Variants in NLGN4X observed in about 807,000 individuals in gnomAD.
The protein encoded by NLGN4X is neuroligin-4, X-linked.
Under a neutral mutation model 40.3 loss-of-function variants are expected in NLGN4X, and 3 were observed. That is an observed-to-expected ratio of 0.07 (90% CI 0.03 to 0.19). The LOEUF (loss-of-function observed/expected upper bound fraction) is 0.19, where lower values mean the gene tolerates loss of function less well. NLGN4X is among the 10% of genes least tolerant of loss of function. The pLI is 1.00. For missense variants in NLGN4X, 382 were observed against 708.3 expected, an observed-to-expected ratio of 0.54 and a Z score of 5.23; for synonymous variants, 270 against 306.8, an observed-to-expected ratio of 0.88 and a Z score of 1.25.
At chrX:6,225,025 CATAT>C (rs1205471689) in intron 1 of NLGN4X, among the ~76,000 whole-genome samples, 2 of 46,625 alleles carry the variant, frequency 4.3e-5, no homozygotes, top group South Asian at 1.1e-3. Context: ...CACACACACA[CATAT>C]ATGTAGAAAT....
chrX:6,184,542 G>C lies in NLGN4X; in HGVS notation c.-305-32771C>G, dbSNP rs184353675. On this transcript the variant is annotated intron_variant, in intron 1 of 5. Coordinates refer to ENST00000381095, the MANE Select transcript of NLGN4X (RefSeq NM_181332.3). ...ATATATGAGATCAGAACAAATGCTG[G>C]GGGGGGTGGGGAATCTCTTAGACTC... Among the ~76,000 whole-genome samples, 42 of 106,758 alleles carry C rather than the reference G, an allele frequency of 3.9e-4. No homozygotes were observed. The East Asian group carries it at 0.012, about 30-fold the overall frequency. 92.7% of individuals were successfully genotyped at this position (106,758 alleles called of 115,157 possible).
intron 2 of NLGN4X, among the ~76,000 whole-genome samples, chrX:6,043,555 G>T (rs982802662): frequency 9.0e-6 from 1 of 111,403 alleles, no homozygotes; most frequent in African/African-American, 3.3e-5. Context: ...TGGTGGTGTG[G>T]GACAAGGATT....
At chrX:6,029,464 T>C (rs2036797574) in intron 2 of NLGN4X, 32 bp from the exon 3 acceptor site, 1 of 1,184,194 alleles carries the variant, frequency 8.4e-7, no homozygotes, top group South Asian at 1.8e-5. Flanking sequence ...GGAAACACAA[T>C]AAAGAATCAC....
chrX:5,924,013 T>C (rs1400604538), intron 3 of NLGN4X, among the ~76,000 whole-genome samples: 1 of 112,122 alleles, frequency 8.9e-6, no homozygotes, highest in Non-Finnish European at 1.9e-5. Context: ...TGGTTTGTAA[T>C]CTACATTTAC....
intron 1 of NLGN4X, among the ~76,000 whole-genome samples, chrX:6,183,645 G>A (rs1222738962): frequency 8.9e-6 from 1 of 112,442 alleles, no homozygotes; most frequent in Non-Finnish European, 1.9e-5. Context: ...TGGCACTGCT[G>A]TTGAAAATGA....
At chrX:5,942,888 G>T (rs1324754963) in intron 3 of NLGN4X, among the ~76,000 whole-genome samples, 1 of 111,024 alleles carries the variant, frequency 9.0e-6, no homozygotes, top group Non-Finnish European at 1.9e-5. Flanking sequence ...GTGGTAAGCA[G>T]AATTATAAAG....
intron 2 of NLGN4X, among the ~76,000 whole-genome samples, chrX:6,043,426 A>G (rs751645399): frequency 9.0e-6 from 1 of 111,435 alleles, no homozygotes; most frequent in Non-Finnish European, 1.9e-5. Flanking sequence ...TTATACATAC[A>G]TATATTTTTT....
chrX:6,032,229 C>G lies in NLGN4X; in HGVS notation c.473-2797G>C, dbSNP rs1273567681. Among the ~76,000 whole-genome samples, 18 of 85,611 alleles carry G rather than the reference C, an allele frequency of 2.1e-4. No individual in the cohort carries two copies. In the South Asian group the frequency reaches 2.1e-3, roughly 10 times the overall value. 74.3% of individuals were successfully genotyped at this position (85,611 alleles called of 115,157 possible). ...AAAAAAAAAACTGATATTTCAGCCC[C>G]CCCCCCCCCAAAAAAAATTCTTCTA... is the stretch of plus-strand genomic sequence containing the variant. On this transcript the variant is annotated intron_variant, in intron 2 of 5. Coordinates refer to ENST00000381095, the MANE Select transcript of NLGN4X (RefSeq NM_181332.3).
chrX:5,921,429 G>GAGAGAGAC (rs2033053962), intron 3 of NLGN4X, among the ~76,000 whole-genome samples: 1 of 106,236 alleles, frequency 9.4e-6, no homozygotes, highest in Non-Finnish European at 1.9e-5. Context: ...GAGAGAGAGA[G>GAGAGAGAC]AGAGAGGAGA....
chrX:6,044,498 T>C (rs2037261499), intron 2 of NLGN4X, among the ~76,000 whole-genome samples: 1 of 112,101 alleles, frequency 8.9e-6, no homozygotes, highest in Non-Finnish European at 1.9e-5. Context: ...GCCTTTGTTG[T>C]TACAAACTGC....
In NLGN4X at chrX:6,177,262, G is replaced by A. The variant is rs549167006; in HGVS notation, c.-305-25491C>T. Among the ~76,000 whole-genome samples, 526 of 111,737 alleles carry A rather than the reference G, an allele frequency of 4.7e-3. 5 individuals are homozygous for A. Among genetic ancestry groups the A allele is most frequent in the African/African-American group, 0.016 (478 of 30,787 alleles). On this transcript the variant is annotated intron_variant, in intron 1 of 5. Transcript: ENST00000381095. Reference sequence around the variant, plus strand: ...CAACCTCTGCCTCCTGGGCTCAAGCGATTCTCCTGCCTCAGCCTCCTGAGT... The same window carrying A: ...CAACCTCTGCCTCCTGGGCTCAAGCAATTCTCCTGCCTCAGCCTCCTGAGT...
At chrX:5,927,416 T>C (rs1447682377) in intron 3 of NLGN4X, among the ~76,000 whole-genome samples, 1 of 111,949 alleles carries the variant, frequency 8.9e-6, no homozygotes, top group African/African-American at 3.2e-5. Context: ...GTCAACAAAC[T>C]TGAAGAGAAA....
chrX:6,156,503 C>T (rs922957908), intron 1 of NLGN4X, among the ~76,000 whole-genome samples: 9 of 111,485 alleles, frequency 8.1e-5, no homozygotes, highest in East Asian at 2.8e-4. Context: ...AGCGAGACTC[C>T]GTCTCAAAAA....
intron 2 of NLGN4X, among the ~76,000 whole-genome samples, chrX:6,095,421 G>GA (rs2038747650): frequency 9.0e-6 from 1 of 111,727 alleles, no homozygotes; most frequent in Non-Finnish European, 1.9e-5. Context: ...CCTTAAAGAA[G>GA]AACTAGCCTT....
intron 3 of NLGN4X, among the ~76,000 whole-genome samples, chrX:5,958,618 T>C (rs2034568284): frequency 8.9e-6 from 1 of 111,776 alleles, no homozygotes; most frequent in African/African-American, 3.2e-5. Context: ...AAGTTGGTAA[T>C]GGAATATGAG....
rs188911162 is a variant in NLGN4X at position 6,219,221 on chromosome X, G to T, written c.-306+9320C>A. Among the ~76,000 whole-genome samples the T allele has an allele frequency of 7.8e-5, 8 of 103,149 alleles. 1 individual carries two copies. The East Asian group carries it at 2.4e-3, about 32-fold the overall frequency. 89.6% of individuals were successfully genotyped at this position (103,149 alleles called of 115,157 possible). ...ATAGTTTGACATGCATTTTCCAAAA[G>T]AAACTATATTGTATGTGGTGAATGA... is the stretch of plus-strand genomic sequence containing the variant. On this transcript the variant is annotated intron_variant, in intron 1 of 5. Transcript: ENST00000381095.
chrX:6,155,310 CAA>C (rs1185428683), intron 1 of NLGN4X, among the ~76,000 whole-genome samples: 2 of 111,948 alleles, frequency 1.8e-5, no homozygotes, highest in African/African-American at 6.5e-5. Context: ...ATCCAGAAAA[CAA>C]AAGCAACAGA....
chrX:5,978,278 TTCTTTCTTTCTTTCTTTC>T (rs1569164689), intron 3 of NLGN4X, among the ~76,000 whole-genome samples: 51 of 2,978 alleles, frequency 0.017, 1 homozygote, highest in African/African-American at 0.099. Context: ...CTTTTTTTCT[TTCTTTCTTTCTTTCTTTC>T]TTTCTTTCTT....
chrX:5,937,029 T>G (rs1266890600), intron 3 of NLGN4X, among the ~76,000 whole-genome samples: 4 of 111,256 alleles, frequency 3.6e-5, no homozygotes, highest in African/African-American at 9.8e-5. Flanking sequence ...TCTCCCCAAA[T>G]CCTCAGTTAA....
Sources: gnomAD v4.1 joint callset for allele counts (sites outside exome capture counted in the v4.1 genomes callset) on GRCh38, gnomAD v4.1.1 for gene constraint, MANE v1.5 for transcripts, NCBI Gene and HGNC (gene_info 2026-07-23, HGNC 2026-07-21) for gene names.